ULK4: variants seen among roughly 807,000 people sequenced by gnomAD.
ULK4 encodes the protein unc-51 like kinase 4, also known as inactive serine/threonine-protein kinase ULK4.
Under a neutral mutation model 160.6 loss-of-function variants are expected in ULK4, and 133 were observed. That is an observed-to-expected ratio of 0.83 (90% CI 0.72 to 0.96). The LOEUF (loss-of-function observed/expected upper bound fraction) is 0.96. ULK4 is among the 40% of genes least tolerant of loss of function. The probability of loss-of-function intolerance (pLI) is 0.00; values close to 1 mark genes in which losing one functional copy is unlikely to be tolerated. For missense variants in ULK4, 1,580 were observed against 1,499.5 expected, an observed-to-expected ratio of 1.05 and a Z score of -0.89; for synonymous variants, 534 against 539.8, an observed-to-expected ratio of 0.99 and a Z score of 0.15.
intron 35 of ULK4, among the ~76,000 whole-genome samples, chr3:41,337,389 T>C (rs949218507): frequency 6.6e-6 from 1 of 152,126 alleles, no homozygotes; most frequent in Admixed American, 6.5e-5. Context: ...TGGAAGGACC[T>C]GTGTAAGGGC....
intron 32 of ULK4, among the ~76,000 whole-genome samples, chr3:41,518,429 A>G (rs765457688): frequency 2.4e-4 from 37 of 152,346 alleles, no homozygotes; most frequent in Non-Finnish European, 4.3e-4. Flanking sequence ...TCATCTCTTG[A>G]CATTTGACTA....
intron 35 of ULK4, among the ~76,000 whole-genome samples, chr3:41,358,216 G>C (rs1180664829): frequency 6.6e-6 from 1 of 152,142 alleles, no homozygotes; most frequent in Non-Finnish European, 1.5e-5. Context: ...AGAGGAGCAG[G>C]TGCATACTTT....
At chr3:41,935,669 T>C (rs1575979903) in intron 4 of ULK4, 132 bp downstream of exon 4, 7 of 1,168,312 alleles carry the variant, frequency 6.0e-6, no homozygotes, top group Non-Finnish European at 8.1e-6. Context: ...CCTCCTTTTA[T>C]TTTAAAAAAA....
chr3:41,490,886 C>T (rs1251154272), intron 32 of ULK4, among the ~76,000 whole-genome samples: 3 of 152,150 alleles, frequency 2.0e-5, no homozygotes, highest in African/African-American at 7.2e-5. Flanking sequence ...GAAACGCTCT[C>T]AGTAGCTGAC....
intron 32 of ULK4, 56 bp from the exon 33 acceptor site, chr3:41,463,309 A>C (rs2083740986): frequency 6.5e-6 from 10 of 1,545,266 alleles, no homozygotes; most frequent in Non-Finnish European, 8.8e-6. Context: ...CAAATGTGTC[A>C]TATGAACCAA....
intron 27 of ULK4, among the ~76,000 whole-genome samples, chr3:41,702,085 C>T (rs1044747092): frequency 6.6e-6 from 1 of 152,030 alleles, no homozygotes; most frequent in African/African-American, 2.4e-5. Context: ...AAATGAAGTA[C>T]ATGCTATAGT....
At chr3:41,695,169 G>A (rs1166189593) in intron 27 of ULK4, among the ~76,000 whole-genome samples, 1 of 152,156 alleles carries the variant, frequency 6.6e-6, no homozygotes, top group African/African-American at 2.4e-5. Context: ...TCATGAGAGG[G>A]GAACCCTCAT....
intron 4 of ULK4, among the ~76,000 whole-genome samples, chr3:41,934,355 T>C (rs17218264): frequency 0.13 from 19,079 of 152,192 alleles, 1,381 homozygotes; most frequent in Middle Eastern, 0.27. Context: ...AATTATATTC[T>C]CATACAGATG....
intron 31 of ULK4, among the ~76,000 whole-genome samples, chr3:41,576,399 C>T (rs953528152): frequency 6.6e-6 from 1 of 152,178 alleles, no homozygotes; most frequent in Non-Finnish European, 1.5e-5. Context: ...ATGCTGAGTG[C>T]CTTGAGGGCA....
intron 35 of ULK4, among the ~76,000 whole-genome samples, chr3:41,354,354 C>T (rs987409683): frequency 1.8e-4 from 27 of 152,122 alleles, no homozygotes; most frequent in African/African-American, 7.2e-5. Flanking sequence ...TCTTGAATAA[C>T]GTGACAGGGG....
At chr3:41,423,899 A>C (rs1167631178) in intron 34 of ULK4, among the ~76,000 whole-genome samples, 1 of 152,190 alleles carries the variant, frequency 6.6e-6, no homozygotes, top group Admixed American at 6.5e-5. Flanking sequence ...TCATGAGCCA[A>C]CACCACCAGG....
chr3:41,279,267 A>AC (rs2079301337), intron 35 of ULK4, among the ~76,000 whole-genome samples: 1 of 145,142 alleles, frequency 6.9e-6, no homozygotes, highest in African/African-American at 2.7e-5. Context: ...AAAAAAAAAA[A>AC]AAAAAAAACA....
At chr3:41,704,250 G>C (rs959470680) in intron 27 of ULK4, among the ~76,000 whole-genome samples, 5 of 152,280 alleles carry the variant, frequency 3.3e-5, no homozygotes, top group African/African-American at 9.6e-5. Flanking sequence ...ACTGGAAACA[G>C]GCATGAGCTG....
chr3:41,799,599 T>C (rs1264517786), intron 20 of ULK4, among the ~76,000 whole-genome samples: 2 of 152,156 alleles, frequency 1.3e-5, no homozygotes, highest in Admixed American at 1.3e-4. Flanking sequence ...CGGTGGCTCA[T>C]CCACGTAATT....
In ULK4 at chr3:41,901,276, T is replaced by C. The variant is rs371021297; in HGVS notation, c.1183-447A>G. On this transcript the variant is annotated intron_variant, in intron 12 of 36. Coordinates refer to ENST00000301831, the MANE Select transcript of ULK4 (RefSeq NM_017886.4). ...CTCACTACAAGCTCTGCCTCCCGGG[T>C]TCACGCCATTCTCCTGCCTCAGCCT... Among the ~76,000 whole-genome samples the C allele has an allele frequency of 4.7e-5, 7 of 147,428 alleles. No homozygotes were observed. In the East Asian group the frequency reaches 1.4e-3, roughly 30 times the overall value.
intron 1 of ULK4, among the ~76,000 whole-genome samples, chr3:41,957,377 C>T (rs1224107833): frequency 7.1e-6 from 1 of 140,142 alleles, no homozygotes; most frequent in Non-Finnish European, 1.5e-5. Context: ...ATCACTTGAA[C>T]GCAGGAGGCA....
At chr3:41,895,590 G>A in intron 15 of ULK4, 26 bp from the exon 16 acceptor site, 1 of 1,438,634 alleles carries the variant, frequency 7.0e-7, no homozygotes, top group Non-Finnish European at 9.2e-7. Context: ...TAAGTGTAAA[G>A]AAAAGAAAAA....
chr3:41,600,025 T>C (rs62256956), intron 31 of ULK4, among the ~76,000 whole-genome samples: 41,100 of 152,124 alleles, frequency 0.27, 5,671 homozygotes, highest in Admixed American at 0.3. Context: ...CTCACACATA[T>C]GACTCTTAGG....
At chr3:41,586,973 T>C (rs2030861843) in intron 31 of ULK4, among the ~76,000 whole-genome samples, 1 of 152,284 alleles carries the variant, frequency 6.6e-6, no homozygotes, top group South Asian at 2.1e-4. Context: ...TCTTAGTTTC[T>C]GTAGGTCAGA....
Sources: gnomAD v4.1 joint callset for allele counts (sites outside exome capture counted in the v4.1 genomes callset) on GRCh38, gnomAD v4.1.1 for gene constraint, MANE v1.5 for transcripts, NCBI Gene and HGNC (gene_info 2026-07-23, HGNC 2026-07-21) for gene names.